Variants in DRC11 observed in about 807,000 individuals in gnomAD.
The protein encoded by DRC11 is dynein regulatory complex subunit 11.
At chr2:236,507,110 T>C in the DRC11 span, 3 of 759,876 alleles carry the variant, frequency 3.9e-6, no homozygotes, top group Non-Finnish European at 6.5e-6. Context: ...TTGAATTTCC[T>C]AAAAGGAAAA....
chr2:236,343,583 G>A, the DRC11 span: 6 of 548,004 alleles, frequency 1.1e-5, no homozygotes, highest in South Asian at 6.4e-5. The surrounding 1 kb of genome is among the most constrained non-coding windows in gnomAD (Gnocchi z 6.6). Context: ...GCCCATGAAT[G>A]AGCCAGGTTT....
chr2:236,330,997 G>A, the DRC11 span, among the ~76,000 whole-genome samples: 2 of 152,124 alleles, frequency 1.3e-5, no homozygotes, highest in Non-Finnish European at 2.9e-5. This position sits in a 1 kb window ranked among gnomAD's most constrained non-coding sequence, Gnocchi z 5.5. Flanking sequence ...AACAGCATTG[G>A]CTTGAACTAT....
At chr2:236,377,179 G>T in the DRC11 span, 4 of 1,608,756 alleles carry the variant, frequency 2.5e-6, no homozygotes, top group African/African-American at 5.4e-5. The surrounding 1 kb of genome is among the most constrained non-coding windows in gnomAD (Gnocchi z 4.9). Context: ...ACAGAGACTC[G>T]ATGGTCCTGG....
the DRC11 span, chr2:236,465,578 G>C: frequency 6.2e-7 from 1 of 1,613,952 alleles, no homozygotes; most frequent in Non-Finnish European, 8.5e-7. This position sits in a 1 kb window ranked among gnomAD's most constrained non-coding sequence, Gnocchi z 6.2. Context: ...ATCAACTTTA[G>C]GTCATTCTTG....
the DRC11 span, among the ~76,000 whole-genome samples, chr2:236,453,242 A>T: frequency 6.6e-6 from 1 of 152,228 alleles, no homozygotes; most frequent in South Asian, 2.1e-4. This position sits in a 1 kb window ranked among gnomAD's most constrained non-coding sequence, Gnocchi z 4.9. Flanking sequence ...CTTATGTACT[A>T]CTTTTGAAAA....
the DRC11 span, among the ~76,000 whole-genome samples, chr2:236,485,889 T>C: frequency 6.6e-6 from 1 of 152,118 alleles, no homozygotes; most frequent in South Asian, 2.1e-4. Flanking sequence ...TGCAGAAACA[T>C]CTCTAGCAGC....
At chr2:236,358,276 GATAT>G in the DRC11 span, among the ~76,000 whole-genome samples, 3 of 126,474 alleles carry the variant, frequency 2.4e-5, no homozygotes, top group African/African-American at 3.2e-5. Flanking sequence ...ATAATATATA[GATAT>G]ATATACTATA....
chr2:236,401,673 G>T, the DRC11 span, among the ~76,000 whole-genome samples: 1 of 152,074 alleles, frequency 6.6e-6, no homozygotes, highest in East Asian at 1.9e-4. The surrounding 1 kb of genome is among the most constrained non-coding windows in gnomAD (Gnocchi z 4.6). Context: ...AGAACCAAAA[G>T]GCCTCACAGT....
chr2:236,493,798 T>C, the DRC11 span: 2 of 1,606,770 alleles, frequency 1.2e-6, no homozygotes, highest in Non-Finnish European at 1.7e-6. Flanking sequence ...CGCTGTCCGC[T>C]AATATTTGAG....
At chr2:236,356,996 ATATT>A in the DRC11 span, among the ~76,000 whole-genome samples, 10,802 of 107,592 alleles carry the variant, frequency 0.1, 1,335 homozygotes, top group Non-Finnish European at 0.14. Context: ...ATATATCTAT[ATATT>A]TATATATTCA....
chr2:236,440,937 G>C, the DRC11 span: 3 of 688,180 alleles, frequency 4.4e-6, no homozygotes, highest in Non-Finnish European at 7.5e-6. Context: ...AATATTTGTA[G>C]GAAAATAACC....
chr2:236,393,874 T>C, the DRC11 span, among the ~76,000 whole-genome samples: 3 of 152,280 alleles, frequency 2.0e-5, no homozygotes, highest in East Asian at 5.8e-4. The surrounding 1 kb of genome is among the most constrained non-coding windows in gnomAD (Gnocchi z 4.7). Context: ...CCCTACCACC[T>C]ACCAGCTGGT....
At chr2:236,342,542 C>T in the DRC11 span, among the ~76,000 whole-genome samples, 3,245 of 152,212 alleles carry the variant, frequency 0.021, 136 homozygotes, top group African/African-American at 0.074. The surrounding 1 kb of genome is among the most constrained non-coding windows in gnomAD (Gnocchi z 5.8). Context: ...GCTCTGGAGA[C>T]GCAGGAAGGC....
At chr2:236,369,419 A>G in the DRC11 span, among the ~76,000 whole-genome samples, 1 of 152,228 alleles carries the variant, frequency 6.6e-6, no homozygotes, top group Non-Finnish European at 1.5e-5. This position sits in a 1 kb window ranked among gnomAD's most constrained non-coding sequence, Gnocchi z 4.5. Context: ...TTATGGCTTC[A>G]GATACCACAC....
chr2:236,363,056 G>C, the DRC11 span, among the ~76,000 whole-genome samples: 1 of 152,154 alleles, frequency 6.6e-6, no homozygotes, highest in Admixed American at 6.5e-5. This position sits in a 1 kb window ranked among gnomAD's most constrained non-coding sequence, Gnocchi z 5.6. Context: ...CTCCAATATG[G>C]GACAGTGTTT....
At chr2:236,357,936 G>T in the DRC11 span, among the ~76,000 whole-genome samples, 1 of 79,082 alleles carries the variant, frequency 1.3e-5, no homozygotes, top group South Asian at 3.4e-4. Context: ...ATTCATATAT[G>T]AATATATAAT....
the DRC11 span, among the ~76,000 whole-genome samples, chr2:236,485,580 C>T: frequency 6.6e-6 from 1 of 152,132 alleles, no homozygotes; most frequent in Non-Finnish European, 1.5e-5. Flanking sequence ...CAACAAAGCC[C>T]CACTAGGACT....
chr2:236,431,464 G>T, the DRC11 span, among the ~76,000 whole-genome samples: 1 of 152,188 alleles, frequency 6.6e-6, no homozygotes, highest in Non-Finnish European at 1.5e-5. This position sits in a 1 kb window ranked among gnomAD's most constrained non-coding sequence, Gnocchi z 4.2. Context: ...CATGAGAACA[G>T]CCTGAGGGTC....
the DRC11 span, among the ~76,000 whole-genome samples, chr2:236,308,290 C>T: frequency 2.0e-5 from 3 of 152,382 alleles, no homozygotes; most frequent in Non-Finnish European, 4.4e-5. The surrounding 1 kb of genome is among the most constrained non-coding windows in gnomAD (Gnocchi z 6.0). Flanking sequence ...TGACAGGCAT[C>T]CTCTGCTGGG....
Sources: allele counts gnomAD v4.1 joint callset (sites outside exome capture counted in the v4.1 genomes callset), GRCh38; gene constraint gnomAD v4.1.1; non-coding constraint Gnocchi (gnomAD v3.1); transcripts MANE v1.5; gene names NCBI Gene and HGNC (gene_info 2026-07-23, HGNC 2026-07-21).